Variants in KDM4C observed in about 807,000 individuals in gnomAD.
The protein encoded by KDM4C is lysine demethylase 4C, also known as lysine-specific demethylase 4C.
In KDM4C, 81 loss-of-function variants were observed where a neutral mutation model predicts 129.3. The ratio of observed to expected loss-of-function variants is 0.63; its 90% CI spans 0.52 to 0.75. KDM4C has a LOEUF of 0.75. Ranked by LOEUF, KDM4C falls within the 30% of genes least tolerant of loss-of-function variation. The pLI is 0.00. For synonymous variants in KDM4C, 573 were observed against 456.1 expected (o/e 1.26, Z -3.26); for missense variants, 1,457 against 1,304.0 (o/e 1.12, Z -1.81).
rs1841760053 is a variant in KDM4C at position 7,141,728 on chromosome 9, A to G, written c.2781+13492A>G. Among the ~76,000 whole-genome samples the G allele has an allele frequency of 2.0e-5, 3 of 151,550 alleles. No homozygotes were observed. In the South Asian group the frequency reaches 6.2e-4, roughly 32 times the overall value. Reference sequence around the variant, plus strand: ...CTTCTGCTCTGTTTTATACACCTAGAGCAGTTACCATAATTTAGGGCCATT... The same window carrying G: ...CTTCTGCTCTGTTTTATACACCTAGGGCAGTTACCATAATTTAGGGCCATT... On this transcript the variant is annotated intron_variant, in intron 19 of 21. Transcript: ENST00000381309.
intron 15 of KDM4C, among the ~76,000 whole-genome samples, chr9:7,042,947 T>G (rs1828840835): frequency 6.6e-6 from 1 of 152,036 alleles, no homozygotes; most frequent in African/African-American, 2.4e-5. Context: ...GCTTAAATAT[T>G]TTCCTCCAGA....
At chr9:6,789,543 T>A (rs986784611) in intron 1 of KDM4C, among the ~76,000 whole-genome samples, 10 of 151,970 alleles carry the variant, frequency 6.6e-5, no homozygotes, top group Non-Finnish European at 1.3e-4. Flanking sequence ...TTTTATATTT[T>A]TTTTTAGAGA....
chr9:7,128,464 C>T (rs901954303), intron 19 of KDM4C, among the ~76,000 whole-genome samples: 5 of 152,166 alleles, frequency 3.3e-5, no homozygotes, highest in Non-Finnish European at 5.9e-5. Context: ...CCCTCACGAC[C>T]TAATCACCTC....
intron 18 of KDM4C, among the ~76,000 whole-genome samples, chr9:7,107,921 G>C (rs1161260123): frequency 6.6e-6 from 1 of 152,156 alleles, no homozygotes; most frequent in South Asian, 2.1e-4. Context: ...GAGCAGCTTG[G>C]TATAAATTTG....
At chr9:6,799,910 ATTGT>A (rs1470706449) in intron 2 of KDM4C, among the ~76,000 whole-genome samples, 3 of 151,864 alleles carry the variant, frequency 2.0e-5, no homozygotes, top group African/African-American at 7.3e-5. Flanking sequence ...ATATAGTCTG[ATTGT>A]TCATATTCTT....
chr9:6,756,635 C>G (rs7873674), upstream of KDM4C, among the ~76,000 whole-genome samples: 2 of 152,084 alleles, frequency 1.3e-5, no homozygotes, highest in African/African-American at 2.4e-5. Flanking sequence ...GAGAATCTCT[C>G]GAACCCGTGA....
chr9:6,850,824 G>A (rs975663132), intron 5 of KDM4C, among the ~76,000 whole-genome samples: 8 of 151,976 alleles, frequency 5.3e-5, no homozygotes, highest in African/African-American at 1.9e-4. Flanking sequence ...GTGCGATCTC[G>A]GCTCACTGCA....
chr9:7,174,485 G>C, intron 21 of KDM4C, 68 bp from the exon 22 acceptor site: 1 of 1,488,496 alleles, frequency 6.7e-7, no homozygotes, highest in Non-Finnish European at 9.3e-7. Flanking sequence ...GACCGAGTCA[G>C]ATCTTTGTCC....
intron 10 of KDM4C, among the ~76,000 whole-genome samples, chr9:6,985,919 G>T (rs1817613235): frequency 6.6e-6 from 1 of 152,174 alleles, no homozygotes; most frequent in African/African-American, 2.4e-5. Context: ...TTGAACTTCT[G>T]GCCTCAAGTG....
intron 6 of KDM4C, among the ~76,000 whole-genome samples, chr9:6,885,915 C>T (rs1331751452): frequency 6.6e-6 from 1 of 152,170 alleles, no homozygotes; most frequent in East Asian, 1.9e-4. Context: ...TAACTTATGA[C>T]CAGTCACCAC....
intron 8 of KDM4C, among the ~76,000 whole-genome samples, chr9:6,933,582 G>T (rs1413102800): frequency 6.6e-6 from 1 of 152,188 alleles, no homozygotes; most frequent in Non-Finnish European, 1.5e-5. Flanking sequence ...AGAATGCTGT[G>T]TAATAATTAA....
intron 8 of KDM4C, chr9:6,974,804 A>G (rs977825071): frequency 6.6e-6 from 1 of 152,216 alleles, no homozygotes; most frequent in African/African-American, 2.4e-5. Flanking sequence ...GAGTGCATGA[A>G]TTCAGAACAA....
chr9:7,029,821 C>T (rs1424630043), intron 15 of KDM4C, among the ~76,000 whole-genome samples: 1 of 152,118 alleles, frequency 6.6e-6, no homozygotes, highest in Non-Finnish European at 1.5e-5. Flanking sequence ...AATGTAACAT[C>T]CAACTCCCTT....
At chr9:6,782,285 A>G (rs1158130733) in intron 1 of KDM4C, among the ~76,000 whole-genome samples, 1 of 152,196 alleles carries the variant, frequency 6.6e-6, no homozygotes, top group African/African-American at 2.4e-5. Flanking sequence ...CGTGTAAGAT[A>G]AAGTTGAAAG....
In KDM4C at chr9:6,925,255, C is replaced by G. The variant is rs981421035; in HGVS notation, c.921+32023C>G. On this transcript the variant is annotated intron_variant, in intron 8 of 21. Coordinates refer to ENST00000381309, the MANE Select transcript of KDM4C (RefSeq NM_015061.6). ...GAGCTTCAGACGGAATAATTATGAACAGCATTGTAGGAGGTAGTTACTATG... is the reference window on the plus strand; with the variant it reads ...GAGCTTCAGACGGAATAATTATGAAGAGCATTGTAGGAGGTAGTTACTATG... The G allele has an allele frequency of 6.1e-6, 6 of 985,270 alleles. No individual in the cohort carries two copies. In the African/African-American group the frequency reaches 8.7e-5, roughly 14 times the overall value. 61.0% of individuals were successfully genotyped at this position (985,270 alleles called of 1,614,324 possible).
intron 8 of KDM4C, among the ~76,000 whole-genome samples, chr9:6,953,303 C>T (rs1828509205): frequency 1.3e-5 from 2 of 152,262 alleles, no homozygotes; most frequent in South Asian, 4.2e-4. Flanking sequence ...TTTTGATTCT[C>T]ATGGAGTAAA....
At chr9:6,902,472 T>C (rs1817575730) in intron 8 of KDM4C, among the ~76,000 whole-genome samples, 1 of 152,162 alleles carries the variant, frequency 6.6e-6, no homozygotes. Context: ...CTGTGTGGAA[T>C]AGTTGTGTGA....
Position 7,103,871 on chromosome 9 carries a change from G to C in KDM4C, c.2610+1G>C. ...TCGACATAAGGTCAACCCCAACGTG[G>C]TAAGATGTGCCCTCCCTTCCTCAGT... On this transcript the variant is annotated splice_donor_variant, in intron 18 of 21. Transcript: ENST00000381309. LOFTEE classifies it high-confidence loss of function. The C allele has an allele frequency of 6.2e-7, 1 of 1,613,480 alleles. No individual in the cohort carries two copies. Among genetic ancestry groups the C allele is most frequent in the Non-Finnish European group, 8.5e-7 (1 of 1,179,544 alleles).
At chr9:7,063,902 A>C (rs765354866) in intron 17 of KDM4C, among the ~76,000 whole-genome samples, 1 of 152,192 alleles carries the variant, frequency 6.6e-6, no homozygotes, top group Non-Finnish European at 1.5e-5. Context: ...AGCGTGAAGC[A>C]TGAAGAGGGA....
Sources: gnomAD v4.1 joint callset for allele counts (sites outside exome capture counted in the v4.1 genomes callset) on GRCh38, gnomAD v4.1.1 for gene constraint, MANE v1.5 for transcripts, NCBI Gene and HGNC (gene_info 2026-07-23, HGNC 2026-07-21) for gene names.